The following ZNF554 variants were observed in gnomAD, a reference collection of about 807,000 sequenced individuals.
ZNF554 encodes the protein zinc finger protein 554.
Under a neutral mutation model 21.2 loss-of-function variants are expected in ZNF554, and 15 were observed. The observed-to-expected ratio is 0.71, with a 90% CI of 0.47 to 1.09. The LOEUF (loss-of-function observed/expected upper bound fraction) is 1.09, where lower values mean the gene tolerates loss of function less well. Among genes scored for constraint, ZNF554 ranks in the 50% least tolerant of loss-of-function variants. The probability of loss-of-function intolerance (pLI) is 0.00; values close to 1 mark genes in which losing one functional copy is unlikely to be tolerated. For synonymous variants in ZNF554, 258 were observed against 251.4 expected (o/e 1.03, Z -0.25); for missense variants, 691 against 662.7 (o/e 1.04, Z -0.47).
chr19:2,829,008 G>A (rs1018207471), intron 3 of ZNF554, among the ~76,000 whole-genome samples: 4 of 151,844 alleles, frequency 2.6e-5, no homozygotes, highest in Non-Finnish European at 4.4e-5. Context: ...CAGAGCATTT[G>A]TACTCTTTCT....
chr19:2,828,388 A>G (rs543564030), intron 3 of ZNF554, among the ~76,000 whole-genome samples: 42 of 152,332 alleles, frequency 2.8e-4, no homozygotes, highest in African/African-American at 8.4e-4. Context: ...TCCGTTTCAC[A>G]CTGCTATAAA....
chr19:2,835,262 G>A lies in ZNF554; in HGVS notation c.*410G>A, dbSNP rs1428471290. The A allele has an allele frequency of 6.0e-6, 1 of 167,338 alleles. No homozygotes were observed. The highest frequency in any genetic ancestry group is 2.4e-5 in the African/African-American group (1 of 41,660). The allele number at this position is 167,338 out of a possible 1,614,324, so 10.4% of individuals were successfully genotyped here. On this transcript the variant is annotated 3_prime_UTR_variant, in exon 5 of 5. Transcript: ENST00000317243. ...CCGAGGCGGGTGGATCATGAGGTCA[G>A]GAGATCGAGACCATCCTGGCTAACA... is the stretch of plus-strand genomic sequence containing the variant.
At chr19:2,825,485 A>G (rs932417006) in intron 2 of ZNF554, among the ~76,000 whole-genome samples, 1 of 151,898 alleles carries the variant, frequency 6.6e-6, no homozygotes, top group African/African-American at 2.4e-5. Context: ...TAATTTTTGT[A>G]TTTTTAGTAG....
chr19:2,835,069 C>A lies in ZNF554; in HGVS notation c.*217C>A. ...GCTGGAGTCCAGTGGCGTGATCATACCTCACTGCAGCTTCAACTTCCTGGG... is the reference window on the plus strand; with the variant it reads ...GCTGGAGTCCAGTGGCGTGATCATAACTCACTGCAGCTTCAACTTCCTGGG... On this transcript the variant is annotated 3_prime_UTR_variant, in exon 5 of 5. Coordinates refer to ENST00000317243, the MANE Select transcript of ZNF554 (RefSeq NM_001102651.2). The A allele has an allele frequency of 2.0e-6, 1 of 502,300 alleles. No individual in the cohort carries two copies. The highest frequency in any genetic ancestry group is 3.5e-6 in the Non-Finnish European group (1 of 282,736). The allele number at this position is 502,300 out of a possible 1,614,324, so 31.1% of individuals were successfully genotyped here. A position where few individuals can be genotyped will look rare whatever the true frequency, so the allele number is the denominator to read the frequency against.
At chr19:2,828,848 T>C (rs2087373051) in intron 3 of ZNF554, among the ~76,000 whole-genome samples, 1 of 152,016 alleles carries the variant, frequency 6.6e-6, no homozygotes, top group African/African-American at 2.4e-5. Context: ...TCAGATCTCA[T>C]GAGAACTCAC....
Position 2,835,035 on chromosome 19 carries a change from G to T in ZNF554, c.*183G>T, listed in dbSNP as rs1243075354. 3 of 603,666 alleles carry T rather than the reference G, an allele frequency of 5.0e-6. No homozygotes were observed. The African/African-American group carries it at 5.6e-5, about 11-fold the overall frequency. The allele number at this position is 603,666 out of a possible 1,614,324, so 37.4% of individuals were successfully genotyped here. The stretch of plus-strand genomic sequence containing the variant: ...TGTTGTTGTTGTTGAGATGGAGTCT[G>T]CCACCCAGGCTGGAGTCCAGTGGCG... On this transcript the variant is annotated 3_prime_UTR_variant, in exon 5 of 5. Transcript: ENST00000317243.
In ZNF554 at chr19:2,833,866, G is replaced by A. The variant is rs867169; in HGVS notation, c.631G>A (p.Val211Ile). ...AAAGGCATCCCTTCACGTAGTGGCC[G>A]TTCCTCAGGAGAAGGCTACTGCATG... ...SQKASLHVVA[V>I]PQEKATAWHG... Residue 211 changes from valine (V) to isoleucine (I), a missense_variant, in exon 5 of 5, where the codon GTT becomes ATT. By Grantham distance (29) the Val-to-Ile change is conservative (BLOSUM62 3). Transcript: ENST00000317243. 325,860 of 1,612,478 alleles carry A rather than the reference G, an allele frequency of 0.2. 38,046 individuals carry two copies. Among genetic ancestry groups the A allele is most frequent in the East Asian group, 0.48 (21,681 of 44,830 alleles).
chr19:2,836,003 T>G lies in ZNF554; in HGVS notation c.*1151T>G, dbSNP rs769264025. On this transcript the variant is annotated 3_prime_UTR_variant, in exon 5 of 5. Coordinates refer to ENST00000317243, the MANE Select transcript of ZNF554 (RefSeq NM_001102651.2). ...ACCGCTACCACACCCAGCTAAATTT[T>G]TTTTTTGTATTTTTGTAGTGATGGG... 6.6e-6 allele frequency among the ~76,000 whole-genome samples: 1 copy of G among 152,050 alleles called. No individual in the cohort carries two copies. The highest frequency in any genetic ancestry group is 2.4e-5 in the African/African-American group (1 of 41,414).
At chr19:2,829,525 T>C (rs896220794) in intron 3 of ZNF554, among the ~76,000 whole-genome samples, 1 of 151,576 alleles carries the variant, frequency 6.6e-6, no homozygotes, top group African/African-American at 2.4e-5. Flanking sequence ...TAATCCCAGC[T>C]ACTCAGGAGG....
intron 2 of ZNF554, among the ~76,000 whole-genome samples, chr19:2,826,853 G>A (rs541380405): frequency 5.3e-5 from 8 of 152,086 alleles, no homozygotes; most frequent in South Asian, 2.1e-4. Context: ...TAGTAGAGAC[G>A]GGGTTTCACT....
rs1046370948 is a variant in ZNF554, at chr19:2,821,529, G to A, written c.53+1405G>A. Among the ~76,000 whole-genome samples the A allele has an allele frequency of 4.0e-5, 6 of 151,898 alleles. No individual in the cohort carries two copies. The highest frequency in any genetic ancestry group is 1.3e-4 in the Admixed American group (2 of 15,272). Reference sequence around the variant, plus strand: ...CCGTGGTGCTTCTGAAGGCTCTGGCGGGAGGATCTTCTCTGTCTCTTCCAG... The same window carrying A: ...CCGTGGTGCTTCTGAAGGCTCTGGCAGGAGGATCTTCTCTGTCTCTTCCAG... On this transcript the variant is annotated intron_variant, in intron 1 of 4. Coordinates refer to ENST00000317243, the MANE Select transcript of ZNF554 (RefSeq NM_001102651.2). The surrounding 1 kb of genome is among the most constrained non-coding windows in gnomAD (Gnocchi z 8.2).
intron 2 of ZNF554, among the ~76,000 whole-genome samples, chr19:2,827,390 A>T (rs1027608279): frequency 3.1e-4 from 47 of 152,304 alleles, no homozygotes; most frequent in African/African-American, 1.1e-3. Context: ...TTTCATCCAG[A>T]CCTGTGTGCT....
intron 3 of ZNF554, among the ~76,000 whole-genome samples, 163 bp downstream of exon 3, chr19:2,827,906 C>T (rs529114349): frequency 6.6e-6 from 1 of 152,282 alleles, no homozygotes; most frequent in Non-Finnish European, 1.5e-5. Flanking sequence ...GGCTCACAAT[C>T]ATGGTGGAAG....
Position 2,834,916 on chromosome 19 carries a change from G to T in ZNF554, c.*64G>T, listed in dbSNP as rs1329234490. On this transcript the variant is annotated 3_prime_UTR_variant, in exon 5 of 5. Transcript: ENST00000317243. ...TGACACATACATGTGGTTATCTTTTGCCCTGTTGTGATGGATAATTTGAAA... is the reference window on the plus strand; with the variant it reads ...TGACACATACATGTGGTTATCTTTTTCCCTGTTGTGATGGATAATTTGAAA... 1.3e-5 allele frequency: 19 copies of T among 1,428,658 alleles called. No homozygotes were observed. Among genetic ancestry groups the T allele is most frequent in the Non-Finnish European group, 1.6e-5 (17 of 1,059,942 alleles). The allele number at this position is 1,428,658 out of a possible 1,614,324, so 88.5% of individuals were successfully genotyped here.
intron 3 of ZNF554, among the ~76,000 whole-genome samples, chr19:2,828,669 C>T (rs112493382): frequency 3.4e-5 from 4 of 117,638 alleles, no homozygotes; most frequent in African/African-American, 6.6e-5. Flanking sequence ...AGCAAGACTC[C>T]GTCTCAAGAA....
Position 2,834,134 on chromosome 19 carries a change from A to G in ZNF554, c.899A>G (p.Glu300Gly). The G allele has an allele frequency of 6.2e-7, 1 of 1,614,048 alleles. No individual in the cohort carries two copies. The highest frequency in any genetic ancestry group is 8.5e-7 in the Non-Finnish European group (1 of 1,180,028). ...QHGGKMFVYL[E>G]NGQSLNHGMA... is the part of the protein sequence containing the mutation. ...GGGGGGAAGATGTTTGTGTATTTGG[A>G]AAATGGGCAGTCATTGAACCACGGT... The change falls in exon 5 of 5, where the codon GAA (glutamate) becomes GGA (glycine). Residue 300 changes from glutamate to glycine, a missense_variant. By Grantham distance (98) the Glu-to-Gly change is moderately conservative. Coordinates refer to ENST00000317243, the MANE Select transcript of ZNF554 (RefSeq NM_001102651.2).
At chr19:2,830,746 C>G (rs1391947234) in intron 3 of ZNF554, 1 of 147,808 alleles carries the variant, frequency 6.8e-6, no homozygotes, top group Non-Finnish European at 1.5e-5. Flanking sequence ...CAAGTGTGCA[C>G]CACCACACCT....
At chr19:2,828,715 G>A (rs994399989) in intron 3 of ZNF554, among the ~76,000 whole-genome samples, 1 of 151,650 alleles carries the variant, frequency 6.6e-6, no homozygotes, top group African/African-American at 2.4e-5. Flanking sequence ...GTTTAATGGA[G>A]TCACAGTTCC....
rs115546681 is a variant in ZNF554 at position 2,832,491 on chromosome 19, T to G, written c.442T>G (p.Ser148Ala). The G allele has an allele frequency of 1.7e-4, 270 of 1,598,090 alleles. No individual in the cohort carries two copies. The African/African-American group carries it at 3.2e-3, about 19-fold the overall frequency. Residue 148 changes from serine to alanine, a missense_variant, in exon 4 of 5, where the codon TCA becomes GCA. Ser to Ala is a moderately conservative substitution (Grantham distance 99, BLOSUM62 1). Coordinates refer to ENST00000317243, the MANE Select transcript of ZNF554 (RefSeq NM_001102651.2). ...EEKGTPQASC[S>A]DWMTVLRNQD... The stretch of plus-strand genomic sequence containing the variant: ...AAAAGGAACTCCTCAAGCCTCCTGT[T>G]CAGGTGAGAATCAGGCAGATAGAAA...
Sources: allele counts gnomAD v4.1 joint callset (sites outside exome capture counted in the v4.1 genomes callset), GRCh38; gene constraint gnomAD v4.1.1; non-coding constraint Gnocchi (gnomAD v3.1); transcripts MANE v1.5; gene names NCBI Gene and HGNC (gene_info 2026-07-23, HGNC 2026-07-21).